Variants in PKIG observed in about 807,000 individuals in gnomAD.
PKIG encodes cAMP-dependent protein kinase inhibitor gamma.
In PKIG, 1 loss-of-function variant was observed where a neutral mutation model predicts 6.8. The ratio of observed to expected loss-of-function variants is 0.15; its 90% CI spans 0.05 to 0.69. The LOEUF (loss-of-function observed/expected upper bound fraction) is 0.69. PKIG is among the 30% of genes least tolerant of loss of function. PKIG has a pLI of 0.82. For missense variants in PKIG, 77 were observed against 104.0 expected (o/e 0.74, Z 1.13); for synonymous variants, 39 against 43.0 (o/e 0.91, Z 0.36).
At chr20:44,598,002 G>A (rs760422514) in intron 2 of PKIG, among the ~76,000 whole-genome samples, 1 of 152,196 alleles carries the variant, frequency 6.6e-6, no homozygotes, top group Non-Finnish European at 1.5e-5. Flanking sequence ...TGTGGGTCAG[G>A]AATTTGGGAA....
intron 1 of PKIG, among the ~76,000 whole-genome samples, chr20:44,537,657 A>C (rs1600833081): frequency 6.9e-6 from 1 of 145,368 alleles, no homozygotes. Context: ...GGCTCACTGC[A>C]CCCTTCGCCT....
At chr20:44,550,394 A>G (rs755395210) in intron 1 of PKIG, among the ~76,000 whole-genome samples, 2 of 151,872 alleles carry the variant, frequency 1.3e-5, no homozygotes, top group Non-Finnish European at 2.9e-5. Context: ...AGTCTTTTTT[A>G]CATTATTAAC....
rs1028164229 is a variant in PKIG at position 44,607,051 on chromosome 20, G to A, written c.-23-7483G>A. ...CAGCACAAAACGGACTGAGAGACAG[G>A]AACTAACTTCTGTGGGGAGAAGTTG... On this transcript the variant is annotated intron_variant, in intron 2 of 3. Coordinates refer to ENST00000372886, the MANE Select transcript of PKIG (RefSeq NM_001281445.2). Among the ~76,000 whole-genome samples the A allele has an allele frequency of 5.9e-5, 9 of 152,164 alleles. No homozygotes were observed. The South Asian group carries it at 6.2e-4, about 11-fold the overall frequency.
chr20:44,565,022 A>G (rs148417011), intron 1 of PKIG, among the ~76,000 whole-genome samples: 1 of 152,362 alleles, frequency 6.6e-6, no homozygotes, highest in African/African-American at 2.4e-5. Flanking sequence ...GTTGACCTTG[A>G]TACGAATACT....
chr20:44,565,747 G>A (rs894764741), intron 1 of PKIG, among the ~76,000 whole-genome samples: 1 of 152,138 alleles, frequency 6.6e-6, no homozygotes, highest in African/African-American at 2.4e-5. Flanking sequence ...CTTTACCTCA[G>A]GCAATCATAG....
intron 1 of PKIG, among the ~76,000 whole-genome samples, chr20:44,539,876 C>T (rs1356948606): frequency 6.6e-6 from 1 of 152,084 alleles, no homozygotes; most frequent in Non-Finnish European, 1.5e-5. Flanking sequence ...TCCCCCTTTG[C>T]CATTTATTTG....
At chr20:44,540,638 G>A (rs941704091) in intron 1 of PKIG, among the ~76,000 whole-genome samples, 3 of 152,006 alleles carry the variant, frequency 2.0e-5, no homozygotes, top group African/African-American at 7.3e-5. Flanking sequence ...GAATGCAATG[G>A]CATGATGTCG....
upstream of PKIG, among the ~76,000 whole-genome samples, chr20:44,578,280 G>T (rs935570001): frequency 1.4e-5 from 2 of 148,064 alleles, no homozygotes; most frequent in African/African-American, 5.0e-5. Context: ...GGCGGAGCTT[G>T]CAGTGAGCCG....
chr20:44,551,831 T>C (rs2064671382), intron 1 of PKIG, among the ~76,000 whole-genome samples: 1 of 152,236 alleles, frequency 6.6e-6, no homozygotes, highest in Non-Finnish European at 1.5e-5. Flanking sequence ...AATTCTCCTT[T>C]AGTTCTACAA....
chr20:44,580,224 T>G (rs1287312414), upstream of PKIG, among the ~76,000 whole-genome samples: 1 of 152,154 alleles, frequency 6.6e-6, no homozygotes, highest in Non-Finnish European at 1.5e-5. Context: ...CATTTTACAC[T>G]GGGAAACCAA....
At chr20:44,536,193 C>G (rs2064510679) in intron 1 of PKIG, among the ~76,000 whole-genome samples, 1 of 152,270 alleles carries the variant, frequency 6.6e-6, no homozygotes, top group Non-Finnish European at 1.5e-5. Flanking sequence ...TTATACCGCA[C>G]TTTGTTTATC....
rs1600911970 is a variant in PKIG at position 44,618,594 on chromosome 20, T to C, written c.*230T>C. On this transcript the variant is annotated 3_prime_UTR_variant, in exon 4 of 4. Transcript: ENST00000372886. ...CTTCGCACCGTGCCCAGGTACACTT[T>C]CAAGACACTGTAACCACAAGATGTT... 2 of 477,838 alleles carry C rather than the reference T, an allele frequency of 4.2e-6. No individual in the cohort carries two copies. Among genetic ancestry groups the C allele is most frequent in the East Asian group, 7.6e-5 (2 of 26,370 alleles). The allele number at this position is 477,838 out of a possible 1,614,324, so 29.6% of individuals were successfully genotyped here.
At chr20:44,593,262 G>A (rs781393715) in intron 2 of PKIG, among the ~76,000 whole-genome samples, 4 of 151,782 alleles carry the variant, frequency 2.6e-5, no homozygotes, top group African/African-American at 4.8e-5. Flanking sequence ...CCCAGGCATC[G>A]CATCAAGGCT....
intron 2 of PKIG, among the ~76,000 whole-genome samples, chr20:44,596,485 A>C (rs1367601053): frequency 1.3e-5 from 2 of 152,154 alleles, no homozygotes; most frequent in Non-Finnish European, 2.9e-5. Flanking sequence ...TGAGTAAATG[A>C]TGTTAATGTG....
chr20:44,589,588 G>T (rs1600878585), intron 1 of PKIG, among the ~76,000 whole-genome samples: 2 of 152,050 alleles, frequency 1.3e-5, no homozygotes, highest in African/African-American at 4.8e-5. Flanking sequence ...ATTTCACTGA[G>T]TATCTTTTTA....
chr20:44,610,787 G>A (rs772305714), intron 2 of PKIG, among the ~76,000 whole-genome samples: 47 of 151,856 alleles, frequency 3.1e-4, no homozygotes, highest in Middle Eastern at 6.8e-3. Flanking sequence ...TTTAGGTGTT[G>A]TTTTGCAACC....
At chr20:44,606,066 G>A (rs529255228) in intron 2 of PKIG, among the ~76,000 whole-genome samples, 21 of 152,132 alleles carry the variant, frequency 1.4e-4, no homozygotes, top group South Asian at 2.1e-4. Flanking sequence ...GAGAAGTGCC[G>A]AAAAATAAAG....
chr20:44,569,614 A>G lies in PKIG; in HGVS notation c.-240-12971A>G, dbSNP rs556775988. On this transcript the variant is annotated intron_variant, in intron 1 of 4. Transcript: ENST00000372887. ...GTTATTTTATTTTGTCATTTTATTT[A>G]TTTTTTTTTGAGGTGGAGTTTTACT... 7.3e-5 allele frequency among the ~76,000 whole-genome samples: 11 copies of G among 150,816 alleles called. No individual in the cohort carries two copies. In the South Asian group the frequency reaches 2.1e-3, roughly 29 times the overall value.
intron 2 of PKIG, among the ~76,000 whole-genome samples, chr20:44,605,721 C>T (rs2065158663): frequency 6.6e-6 from 1 of 151,814 alleles, no homozygotes; most frequent in African/African-American, 2.4e-5. Flanking sequence ...CAAAACCAGC[C>T]TGGGCAACAT....
Sources: allele counts gnomAD v4.1 joint callset (sites outside exome capture counted in the v4.1 genomes callset), GRCh38; gene constraint gnomAD v4.1.1; transcripts MANE v1.5; gene names NCBI Gene and HGNC (gene_info 2026-07-23, HGNC 2026-07-21).